Variants in COG5 observed in about 807,000 individuals in gnomAD.
COG5 encodes the protein component of oligomeric golgi complex 5, also known as conserved oligomeric Golgi complex subunit 5.
COG5 carries 86 observed loss-of-function variants against 110.4 expected under a neutral mutation model. The observed-to-expected ratio is 0.78, with a 90% CI of 0.65 to 0.93. COG5 has a LOEUF of 0.93. Ranked by LOEUF, COG5 falls within the 40% of genes least tolerant of loss-of-function variation. The pLI is 0.00. For synonymous variants in COG5, 360 were observed against 334.6 expected (o/e 1.08, Z -0.83); for missense variants, 1,077 against 987.0 (o/e 1.09, Z -1.22).
rs551337506 is a variant in COG5, at chr7:107,298,161, G to A, written c.1294C>T (p.Pro432Ser). 1.0e-5 allele frequency: 16 copies of A among 1,583,064 alleles called. No homozygotes were observed. In the African/African-American group the frequency reaches 2.0e-4, roughly 20 times the overall value. The change falls in exon 12 of 22, where the codon CCA (proline) becomes TCA (serine). Residue 432 changes from proline to serine, a missense_variant. Transcript: ENST00000297135. The part of the protein sequence containing the change: ...MEDDAQDIFI[P>S]KKPDYDPEKA... The stretch of plus-strand genomic sequence containing the variant: ...ACATACTCATAATCTGGCTTTTTTG[G>A]TATGAATATATCTTGTGCATCATCT...
chr7:107,483,434 G>A (rs902471458), intron 6 of COG5, among the ~76,000 whole-genome samples: 2 of 152,192 alleles, frequency 1.3e-5, no homozygotes, highest in East Asian at 3.8e-4. Context: ...GGCTGGGCAT[G>A]GTGGCACATG....
chr7:107,368,804 G>C (rs1294386366), intron 8 of COG5, among the ~76,000 whole-genome samples: 1 of 151,938 alleles, frequency 6.6e-6, no homozygotes, highest in Non-Finnish European at 1.5e-5. Context: ...ATGTTTTATT[G>C]TTAAATATTT....
At chr7:107,219,301 T>G (rs1213955289) in intron 19 of COG5, among the ~76,000 whole-genome samples, 3 of 152,062 alleles carry the variant, frequency 2.0e-5, no homozygotes, top group African/African-American at 7.2e-5. Context: ...AAACTAAAAA[T>G]AGAATTACAA....
intron 6 of COG5, among the ~76,000 whole-genome samples, chr7:107,459,709 T>C (rs1365730464): frequency 6.6e-6 from 1 of 151,584 alleles, no homozygotes; most frequent in South Asian, 2.1e-4. Context: ...GGAAGGAGGA[T>C]TGCCTGAGTC....
chr7:107,365,596 C>CAAAAAAAAAAAA (rs71134263), intron 8 of COG5, among the ~76,000 whole-genome samples: 111 of 36,688 alleles, frequency 3.0e-3, no homozygotes, highest in East Asian at 5.2e-3. Context: ...TGCAAAATGA[C>CAAAAAAAAAAAA]AAAAAAAAAA....
Position 107,395,056 on chromosome 7 carries a change from TAAAG to T in COG5, c.669+17442_669+17445del, listed in dbSNP as rs1157625139. On this transcript the variant is annotated intron_variant, in intron 7 of 21. Coordinates refer to ENST00000297135, the MANE Select transcript of COG5 (RefSeq NM_006348.5). ...CAGTTCACAAAACTCTGACTTATGA[TAAAG>T]ACTTAGTTGAGTCCAACTGATTTTA... Among the ~76,000 whole-genome samples the T allele has an allele frequency of 2.6e-5, 4 of 152,216 alleles. No individual in the cohort carries two copies. The East Asian group carries it at 5.8e-4, about 22-fold the overall frequency.
At chr7:107,548,878 A>G (rs1009810442) in intron 3 of COG5, among the ~76,000 whole-genome samples, 2 of 152,164 alleles carry the variant, frequency 1.3e-5, no homozygotes, top group African/African-American at 4.8e-5. Flanking sequence ...TCAAGCATAA[A>G]TTTTATTATT....
chr7:107,352,504 T>TAAAAAAAAAAC (rs1489448109), intron 10 of COG5, among the ~76,000 whole-genome samples: 1 of 130,228 alleles, frequency 7.7e-6, no homozygotes, highest in Non-Finnish European at 1.7e-5. Context: ...AAGGTAATTG[T>TAAAAAAAAAAC]AAAAAAAAAA....
chr7:107,307,218 T>C (rs759343305), intron 11 of COG5, among the ~76,000 whole-genome samples: 5 of 152,194 alleles, frequency 3.3e-5, no homozygotes, highest in Non-Finnish European at 4.4e-5. Flanking sequence ...ATCATTCCAA[T>C]TGCCAACAAC....
At chr7:107,325,420 G>A (rs1809677372) in intron 10 of COG5, among the ~76,000 whole-genome samples, 1 of 152,218 alleles carries the variant, frequency 6.6e-6, no homozygotes, top group African/African-American at 2.4e-5. Context: ...GGAGGCCAAG[G>A]CGGATGGATT....
chr7:107,349,767 A>G (rs1253582824), intron 10 of COG5, among the ~76,000 whole-genome samples: 1 of 152,064 alleles, frequency 6.6e-6, no homozygotes, highest in Non-Finnish European at 1.5e-5. Flanking sequence ...ACTGTGTTAG[A>G]CAGGATGGTC....
intron 21 of COG5, among the ~76,000 whole-genome samples, chr7:107,207,309 G>C (rs899098145): frequency 6.6e-6 from 1 of 152,182 alleles, no homozygotes; most frequent in Non-Finnish European, 1.5e-5. Context: ...CATCGATGGA[G>C]ATCTTGGGAG....
intron 12 of COG5, among the ~76,000 whole-genome samples, chr7:107,290,701 T>A (rs1369194384): frequency 1.3e-5 from 2 of 152,160 alleles, no homozygotes; most frequent in Non-Finnish European, 2.9e-5. Flanking sequence ...CTTGGCTCAT[T>A]TTTTTTCCTT....
chr7:107,452,032 A>T (rs1260645980), intron 6 of COG5, among the ~76,000 whole-genome samples: 2 of 152,064 alleles, frequency 1.3e-5, no homozygotes, highest in Non-Finnish European at 2.9e-5. Context: ...CAGTGAGTAG[A>T]CCTACTATCC....
chr7:107,496,033 T>C, intron 6 of COG5, among the ~76,000 whole-genome samples: 1 of 152,024 alleles, frequency 6.6e-6, no homozygotes, highest in Non-Finnish European at 1.5e-5. Context: ...CCTCCCACCT[T>C]AGCCTCCTGA....
At chr7:107,210,464 T>C in intron 21 of COG5, 62 bp downstream of exon 21, 1 of 1,553,700 alleles carries the variant, frequency 6.4e-7, no homozygotes, top group Non-Finnish European at 8.7e-7. Flanking sequence ...CATCCTCTCT[T>C]GCATCCCCAC....
At chr7:107,265,522 T>C (rs1803728805) in intron 14 of COG5, among the ~76,000 whole-genome samples, 1 of 152,096 alleles carries the variant, frequency 6.6e-6, no homozygotes, top group Admixed American at 6.6e-5. Flanking sequence ...GAAGTCACCT[T>C]TGGGATCTTC....
intron 6 of COG5, among the ~76,000 whole-genome samples, chr7:107,503,381 T>C (rs1204233875): frequency 6.6e-6 from 1 of 152,202 alleles, no homozygotes; most frequent in Non-Finnish European, 1.5e-5. Flanking sequence ...ACCAGAACCA[T>C]GCTGTTCTGG....
intron 16 of COG5, among the ~76,000 whole-genome samples, chr7:107,255,446 A>G (rs1802814394): frequency 6.6e-6 from 1 of 152,066 alleles, no homozygotes. Flanking sequence ...GGTGCCTGTT[A>G]AATCCTCATT....
Sources: gnomAD v4.1 joint callset for allele counts (sites outside exome capture counted in the v4.1 genomes callset) on GRCh38, gnomAD v4.1.1 for gene constraint, MANE v1.5 for transcripts, NCBI Gene and HGNC (gene_info 2026-07-23, HGNC 2026-07-21) for gene names.